The following ASTN1 variants were observed in gnomAD, a reference collection of about 807,000 sequenced individuals.
ASTN1 encodes astrotactin-1.
In ASTN1, 41 loss-of-function variants were observed where a neutral mutation model predicts 140.7. The observed-to-expected ratio is 0.29, with a 90% CI of 0.23 to 0.38. The LOEUF (loss-of-function observed/expected upper bound fraction) is 0.38, where lower values mean the gene tolerates loss of function less well. Ranked by LOEUF, ASTN1 falls within the 10% of genes least tolerant of loss-of-function variation. The probability of loss-of-function intolerance (pLI) is 1.00; values close to 1 mark genes in which losing one functional copy is unlikely to be tolerated. For missense variants in ASTN1, 1,479 were observed against 1,678.8 expected (o/e 0.88, Z 2.08); for synonymous variants, 640 against 652.2 (o/e 0.98, Z 0.29).
At chr1:176,896,367 G>A (rs887349329) in intron 16 of ASTN1, among the ~76,000 whole-genome samples, 1 of 152,024 alleles carries the variant, frequency 6.6e-6, no homozygotes, top group Non-Finnish European at 1.5e-5. Context: ...TAAGAATGAC[G>A]GCTTCAAATA....
At chr1:177,043,772 T>A (rs1343168393) in intron 2 of ASTN1, among the ~76,000 whole-genome samples, 2 of 152,166 alleles carry the variant, frequency 1.3e-5, no homozygotes, top group Non-Finnish European at 2.9e-5. Flanking sequence ...CGAACACGAT[T>A]AGAGCATCAT....
intron 1 of ASTN1, among the ~76,000 whole-genome samples, chr1:177,155,370 A>G (rs1683194352): frequency 6.6e-6 from 1 of 152,196 alleles, no homozygotes; most frequent in African/African-American, 2.4e-5. Context: ...AAAGAAAAGA[A>G]ATCATTTAGG....
chr1:177,032,397 A>G, intron 3 of ASTN1, 59 bp downstream of exon 3: 1 of 1,571,000 alleles, frequency 6.4e-7, no homozygotes, highest in Non-Finnish European at 8.6e-7. Flanking sequence ...GTTCCTACCC[A>G]CTCCCCAGCT....
chr1:177,005,155 C>T (rs1211103809), intron 8 of ASTN1, among the ~76,000 whole-genome samples: 3 of 151,672 alleles, frequency 2.0e-5, no homozygotes, highest in Non-Finnish European at 4.4e-5. Context: ...AAAGAAATCC[C>T]ATTAAAAAAT....
intron 1 of ASTN1, among the ~76,000 whole-genome samples, chr1:177,099,023 A>G (rs1680178697): frequency 6.6e-6 from 1 of 152,194 alleles, no homozygotes; most frequent in Admixed American, 6.5e-5. Context: ...CTCTTAAAGG[A>G]CCAGCTGTCC....
intron 2 of ASTN1, among the ~76,000 whole-genome samples, chr1:177,056,317 G>A (rs1384713913): frequency 6.6e-6 from 1 of 152,030 alleles, no homozygotes; most frequent in African/African-American, 2.4e-5. Context: ...TCCCAACATT[G>A]TTTCTCCCAG....
chr1:176,876,935 G>C (rs982496802), intron 20 of ASTN1, among the ~76,000 whole-genome samples: 2 of 152,170 alleles, frequency 1.3e-5, no homozygotes, highest in African/African-American at 4.8e-5. Flanking sequence ...AGCAGGACCA[G>C]CATTACCTGG....
At chr1:176,905,684 C>T (rs887425221) in intron 16 of ASTN1, among the ~76,000 whole-genome samples, 1 of 152,114 alleles carries the variant, frequency 6.6e-6, no homozygotes, top group Non-Finnish European at 1.5e-5. Flanking sequence ...GGATTCTGCA[C>T]GGTTCTCTCA....
At chr1:176,858,193 C>A (rs1342815860), downstream of ASTN1, among the ~76,000 whole-genome samples, 2 of 152,164 alleles carry the variant, frequency 1.3e-5, no homozygotes, top group African/African-American at 4.8e-5. Flanking sequence ...GCAGACACTG[C>A]AAACTACCAG....
intron 15 of ASTN1, among the ~76,000 whole-genome samples, chr1:176,935,895 A>G (rs183550502): frequency 2.2e-4 from 34 of 151,422 alleles, no homozygotes; most frequent in Admixed American, 2.2e-3. Context: ...AGTTCATTGT[A>G]TGGAGTCTCT....
chr1:176,939,845 G>A (rs771942900), intron 14 of ASTN1, among the ~76,000 whole-genome samples: 17 of 135,894 alleles, frequency 1.3e-4, no homozygotes, highest in Middle Eastern at 6.6e-3. Flanking sequence ...AAGGAAGGAA[G>A]GAAAGAAGGA....
At chr1:176,917,846 G>A (rs545337585) in intron 16 of ASTN1, among the ~76,000 whole-genome samples, 5 of 152,252 alleles carry the variant, frequency 3.3e-5, no homozygotes, top group South Asian at 2.1e-4. Context: ...AACTCACCAC[G>A]TGCCTTCACC....
rs540807380 is a variant in ASTN1, at chr1:177,067,737, C to G, written c.284-6472G>C. The stretch of plus-strand genomic sequence containing the variant: ...GTGGAAAGGGATCCTCTAAAGACCC[C>G]AACTTGTTTCATAAACATAATGACA... On this transcript the variant is annotated intron_variant, in intron 1 of 22. Coordinates refer to ENST00000361833, the MANE Select transcript of ASTN1 (RefSeq NM_004319.3). 4.6e-3 allele frequency among the ~76,000 whole-genome samples: 703 copies of G among 152,258 alleles called. 4 individuals are homozygous for G. The highest frequency in any genetic ancestry group is 0.016 in the African/African-American group (681 of 41,538).
At chr1:177,000,402 G>A (rs1176469748) in intron 8 of ASTN1, among the ~76,000 whole-genome samples, 1 of 152,178 alleles carries the variant, frequency 6.6e-6, no homozygotes, top group African/African-American at 2.4e-5. Context: ...GCAAAAGACA[G>A]CTAGTAGGAT....
chr1:176,864,114 T>A lies in ASTN1; in HGVS notation c.*170A>T. The A allele has an allele frequency of 6.9e-7, 1 of 1,453,534 alleles. No homozygotes were observed. The highest frequency in any genetic ancestry group is 1.4e-5 in the African/African-American group (1 of 70,874). 90.0% of individuals were successfully genotyped at this position (1,453,534 alleles called of 1,614,324 possible). ...TTCCCAATCATGCAGATGGAGAACA[T>A]CATACTGAAGAAGTTCTGCAGGGAG... On this transcript the variant is annotated 3_prime_UTR_variant, in exon 23 of 23. Coordinates refer to ENST00000361833, the MANE Select transcript of ASTN1 (RefSeq NM_004319.3).
intron 1 of ASTN1, among the ~76,000 whole-genome samples, chr1:177,085,636 G>A (rs1322736496): frequency 6.6e-6 from 1 of 152,266 alleles, no homozygotes; most frequent in Middle Eastern, 3.4e-3. Flanking sequence ...GCAAAATGCA[G>A]CCCAGGTGGT....
intron 2 of ASTN1, among the ~76,000 whole-genome samples, chr1:177,039,709 T>C (rs1431217358): frequency 6.6e-6 from 1 of 152,236 alleles, no homozygotes; most frequent in Non-Finnish European, 1.5e-5. Flanking sequence ...CCTTCATTGA[T>C]AAAATTCAGT....
chr1:177,036,741 C>T (rs1022552319), intron 2 of ASTN1, among the ~76,000 whole-genome samples: 3 of 152,206 alleles, frequency 2.0e-5, no homozygotes, highest in Non-Finnish European at 1.5e-5. Flanking sequence ...TGTCCTTCTA[C>T]AGTGAGGACT....
At chr1:176,933,817 C>A (rs921252898) in intron 16 of ASTN1, among the ~76,000 whole-genome samples, 2 of 152,180 alleles carry the variant, frequency 1.3e-5, no homozygotes, top group African/African-American at 4.8e-5. Flanking sequence ...CTGCTTCTCT[C>A]CTACTTTATA....
Sources: gnomAD v4.1 joint callset for allele counts (sites outside exome capture counted in the v4.1 genomes callset) on GRCh38, gnomAD v4.1.1 for gene constraint, MANE v1.5 for transcripts, NCBI Gene and HGNC (gene_info 2026-07-23, HGNC 2026-07-21) for gene names.